The following NCAM1 variants were observed in gnomAD, a reference collection of about 807,000 sequenced individuals.
NCAM1 encodes antigen recognized by monoclonal antibody 5.1H11.
NCAM1 carries 14 observed loss-of-function variants against 109.8 expected under a neutral mutation model. The observed-to-expected ratio is 0.13, with a 90% CI of 0.08 to 0.20. The LOEUF (loss-of-function observed/expected upper bound fraction) is 0.20, where lower values mean the gene tolerates loss of function less well. Among genes scored for constraint, NCAM1 ranks in the 10% least tolerant of loss-of-function variants. The probability of loss-of-function intolerance (pLI) is 1.00; values close to 1 mark genes in which losing one functional copy is unlikely to be tolerated. For synonymous variants in NCAM1, 418 were observed against 442.9 expected, an observed-to-expected ratio of 0.94 and a Z score of 0.70; for missense variants, 774 against 1,109.9, an observed-to-expected ratio of 0.70 and a Z score of 4.30.
chr11:113,154,107 ACAC>A (rs1942330056), intron 1 of NCAM1, among the ~76,000 whole-genome samples: 2 of 152,232 alleles, frequency 1.3e-5, no homozygotes, highest in African/African-American at 4.8e-5. Context: ...TAAATGTAGG[ACAC>A]TTGCCACAAT....
chr11:113,078,968 C>A (rs534369172), intron 1 of NCAM1, among the ~76,000 whole-genome samples: 1 of 152,100 alleles, frequency 6.6e-6, no homozygotes, highest in Non-Finnish European at 1.5e-5. Flanking sequence ...TCCTCCGAGC[C>A]GGGCTGGCTA....
intron 1 of NCAM1, among the ~76,000 whole-genome samples, chr11:113,136,927 G>A (rs1941622736): frequency 6.6e-6 from 1 of 152,200 alleles, no homozygotes; most frequent in Non-Finnish European, 1.5e-5. Flanking sequence ...GAGAGGATGT[G>A]TCCAGGGGAA....
Position 113,260,069 on chromosome 11 carries a change from A to G in NCAM1, c.1954-77A>G, listed in dbSNP as rs139493365. Reference sequence around the variant, plus strand: ...TTATTGAGTCCCGTAAGTTTTGCCTATTGTCTGGTCTTACCAGTACTTTTA... The same window carrying G: ...TTATTGAGTCCCGTAAGTTTTGCCTGTTGTCTGGTCTTACCAGTACTTTTA... On this transcript the variant is annotated intron_variant, in intron 16 of 19. Transcript: ENST00000316851. The G allele has an allele frequency of 1.5e-4, 200 of 1,363,002 alleles. No individual in the cohort carries two copies. The African/African-American group carries it at 2.0e-3, about 14-fold the overall frequency. 84.4% of individuals were successfully genotyped at this position (1,363,002 alleles called of 1,614,324 possible). A position where few individuals can be genotyped will look rare whatever the true frequency, so the allele number is the denominator to read the frequency against.
chr11:113,148,401 T>G lies in NCAM1; in HGVS notation c.53-53978T>G, dbSNP rs145982547. 6.5e-3 allele frequency among the ~76,000 whole-genome samples: 978 copies of G among 151,424 alleles called. 13 individuals are homozygous for G. The highest frequency in any genetic ancestry group is 0.022 in the African/African-American group (927 of 41,216). ...TTTTTTTTCTTTTTTTCTTTTTAAG[T>G]TAACTAGATCAAACTCCATATCTCA... On this transcript the variant is annotated intron_variant, in intron 1 of 19. Coordinates refer to ENST00000316851, the MANE Select transcript of NCAM1 (RefSeq NM_181351.5).
chr11:113,122,381 G>A (rs1941000263), intron 1 of NCAM1, among the ~76,000 whole-genome samples: 1 of 152,170 alleles, frequency 6.6e-6, no homozygotes, highest in Non-Finnish European at 1.5e-5. Context: ...TCATTCATTA[G>A]TGTCATTGTC....
intron 15 of NCAM1, among the ~76,000 whole-genome samples, chr11:113,249,514 TC>T (rs35947276): frequency 6.6e-6 from 1 of 152,088 alleles, no homozygotes; most frequent in African/African-American, 2.4e-5. Flanking sequence ...GGGCTGAAAC[TC>T]CCCAGGAGCC....
At position 113,039,839 on chromosome 11, in the gene NCAM1, G is replaced by A. The variant is rs1044651697; in HGVS notation, c.52+78175G>A. Reference sequence around the variant, plus strand: ...AAAGTATTATCATTTCAACATGTACGCACTATTTTAAAAATAATTGGCCAG... The same window carrying A: ...AAAGTATTATCATTTCAACATGTACACACTATTTTAAAAATAATTGGCCAG... On this transcript the variant is annotated intron_variant, in intron 1 of 19. Coordinates refer to ENST00000316851, the MANE Select transcript of NCAM1 (RefSeq NM_181351.5). 7.9e-5 allele frequency among the ~76,000 whole-genome samples: 12 copies of A among 152,002 alleles called. No homozygotes were observed. In the East Asian group the frequency reaches 1.2e-3, roughly 15 times the overall value.
chr11:113,214,373 A>T lies in NCAM1; in HGVS notation c.921A>T (p.Lys307Asn). 1 of 1,613,458 alleles carries T rather than the reference A, an allele frequency of 6.2e-7. No individual in the cohort carries two copies. The highest frequency in any genetic ancestry group is 2.2e-5 in the East Asian group (1 of 44,884). ...DATIHLKVFA[K>N]PKITYVENQT... is the part of the protein sequence containing the mutation. The stretch of plus-strand genomic sequence containing the variant: ...AGAAATGTTTTGTCTTTTCAGCAAA[A>T]CCCAAAATCACATATGTAGAGAACC... The change falls in exon 8 of 20, where the codon AAA (lysine) becomes AAT (asparagine). Residue 307 changes from lysine to asparagine, a missense_variant. Physicochemically the swap from Lys to Asn is moderately conservative, Grantham distance 94 (BLOSUM62 0). Around this residue, in one of 4 missense-constraint regions of NCAM1, gnomAD observed 523 missense variants for 784.2 expected, o/e 0.67. Transcript: ENST00000316851.
chr11:113,100,175 A>G (rs1180424689), intron 1 of NCAM1, among the ~76,000 whole-genome samples: 1 of 152,062 alleles, frequency 6.6e-6, no homozygotes, highest in Non-Finnish European at 1.5e-5. Flanking sequence ...GTTGAGACAG[A>G]AGAGTTACTT....
intron 17 of NCAM1, among the ~76,000 whole-genome samples, chr11:113,265,840 A>G (rs1946125010): frequency 6.6e-6 from 1 of 152,146 alleles, no homozygotes; most frequent in South Asian, 2.1e-4. Context: ...GCCCATCTGG[A>G]TATTTATAAA....
At chr11:113,224,861 C>A (rs1437567689) in intron 9 of NCAM1, among the ~76,000 whole-genome samples, 1 of 152,226 alleles carries the variant, frequency 6.6e-6, no homozygotes, top group African/African-American at 2.4e-5. Context: ...GACAGACCTG[C>A]AGCTGAGGGT....
chr11:113,029,052 G>C (rs1450299841), intron 1 of NCAM1, among the ~76,000 whole-genome samples: 1 of 152,132 alleles, frequency 6.6e-6, no homozygotes, highest in African/African-American at 2.4e-5. Context: ...TCTTTTCTGT[G>C]ACTAATGTAA....
intron 1 of NCAM1, among the ~76,000 whole-genome samples, chr11:113,065,742 T>G (rs1049698024): frequency 6.6e-6 from 1 of 152,114 alleles, no homozygotes; most frequent in Non-Finnish European, 1.5e-5. Flanking sequence ...CTTAAGGAGA[T>G]GTAACAACAA....
At chr11:113,014,674 G>A (rs186352598) in intron 1 of NCAM1, among the ~76,000 whole-genome samples, 122 of 152,268 alleles carry the variant, frequency 8.0e-4, no homozygotes, top group African/African-American at 2.8e-3. Context: ...ATGTTTTGAC[G>A]GATAAGTTAT....
intron 1 of NCAM1, among the ~76,000 whole-genome samples, chr11:113,183,040 G>A (rs1040275211): frequency 9.2e-5 from 14 of 152,202 alleles, no homozygotes; most frequent in African/African-American, 3.4e-4. Context: ...GAGGTGAAAT[G>A]AGTGTTCAAA....
chr11:113,050,820 T>C (rs1555081697), intron 1 of NCAM1, among the ~76,000 whole-genome samples: 1 of 152,246 alleles, frequency 6.6e-6, no homozygotes, highest in Non-Finnish European at 1.5e-5. Context: ...TTTTATATCA[T>C]TATCTAGAAT....
chr11:113,196,556 A>G (rs1943860719), intron 1 of NCAM1, among the ~76,000 whole-genome samples: 1 of 152,254 alleles, frequency 6.6e-6, no homozygotes, highest in South Asian at 2.1e-4. Flanking sequence ...CAGGTATTAA[A>G]TGCTTATTAT....
At chr11:112,975,487 C>T (rs1555067515) in intron 1 of NCAM1, among the ~76,000 whole-genome samples, 2 of 151,958 alleles carry the variant, frequency 1.3e-5, no homozygotes, top group Admixed American at 6.6e-5. Flanking sequence ...TGGAATGACA[C>T]AAAAGACAAT....
At chr11:113,043,763 C>A (rs1953161294) in intron 1 of NCAM1, among the ~76,000 whole-genome samples, 1 of 152,162 alleles carries the variant, frequency 6.6e-6, no homozygotes, top group African/African-American at 2.4e-5. Context: ...GCATGTCCAG[C>A]TTTCCAGCTT....
Sources: allele counts gnomAD v4.1 joint callset (sites outside exome capture counted in the v4.1 genomes callset), GRCh38; gene constraint gnomAD v4.1.1; regional missense constraint gnomAD v4.1.1; transcripts MANE v1.5; gene names NCBI Gene and HGNC (gene_info 2026-07-23, HGNC 2026-07-21).